The following NDST4 variants were observed in gnomAD, a reference collection of about 807,000 sequenced individuals.
NDST4 encodes the protein N-heparan sulfate sulfotransferase 4.
Under a neutral mutation model 100.8 loss-of-function variants are expected in NDST4, and 63 were observed. The observed-to-expected ratio is 0.62, with a 90% CI of 0.51 to 0.77. NDST4 has a LOEUF of 0.77. NDST4 is among the 30% of genes least tolerant of loss of function. NDST4 has a pLI of 0.00. For missense variants in NDST4, 943 were observed against 1,018.4 expected, an observed-to-expected ratio of 0.93 and a Z score of 1.01; for synonymous variants, 377 against 361.8, an observed-to-expected ratio of 1.04 and a Z score of -0.48.
chr4:115,060,833 A>C (rs1322578725), intron 2 of NDST4, among the ~76,000 whole-genome samples: 1 of 152,050 alleles, frequency 6.6e-6, no homozygotes, highest in Non-Finnish European at 1.5e-5. Flanking sequence ...TATTAAAATA[A>C]TTGTTTAAAT....
chr4:114,941,780 A>G (rs1021600382), intron 4 of NDST4, among the ~76,000 whole-genome samples: 2 of 152,198 alleles, frequency 1.3e-5, no homozygotes, highest in Non-Finnish European at 2.9e-5. Flanking sequence ...AGTACAGCGT[A>G]CAATCTGCTC....
chr4:114,829,379 G>C (rs1305442741), intron 13 of NDST4, among the ~76,000 whole-genome samples: 1 of 151,926 alleles, frequency 6.6e-6, no homozygotes, highest in African/African-American at 2.4e-5. Context: ...TTTTATCTTT[G>C]TATTCTTTCC....
intron 2 of NDST4, among the ~76,000 whole-genome samples, chr4:115,029,743 A>T (rs1728074946): frequency 6.6e-6 from 1 of 152,110 alleles, no homozygotes; most frequent in Admixed American, 6.6e-5. Context: ...AAGCAGGAGG[A>T]TCCCAAACTT....
At chr4:115,085,909 T>A (rs1356574493) in intron 1 of NDST4, among the ~76,000 whole-genome samples, 1 of 152,222 alleles carries the variant, frequency 6.6e-6, no homozygotes, top group Non-Finnish European at 1.5e-5. Context: ...ATACTTCATG[T>A]ACAGCAGAGG....
intron 2 of NDST4, among the ~76,000 whole-genome samples, chr4:114,995,863 C>T (rs927990789): frequency 2.6e-5 from 4 of 151,912 alleles, no homozygotes; most frequent in East Asian, 3.9e-4. Flanking sequence ...GTTTCCTGAA[C>T]CTTAGTTTTC....
chr4:114,921,899 T>A (rs934484524), intron 6 of NDST4, among the ~76,000 whole-genome samples: 2 of 151,866 alleles, frequency 1.3e-5, no homozygotes, highest in African/African-American at 4.9e-5. Flanking sequence ...TATCATTTTC[T>A]TCCTTTTCTC....
rs1260122889 is a variant in NDST4, at chr4:115,015,693, T to C, written c.979-38419A>G. On this transcript the variant is annotated intron_variant, in intron 2 of 13. Transcript: ENST00000264363. ...CAAGTAGATAGTACTAATTGTTCTA[T>C]GAATACTAGCTCTTTCTCAGTCTAC... Among the ~76,000 whole-genome samples, 3 of 152,080 alleles carry C rather than the reference T, an allele frequency of 2.0e-5. No homozygotes were observed. In the East Asian group the frequency reaches 5.8e-4, roughly 29 times the overall value.
intron 2 of NDST4, among the ~76,000 whole-genome samples, chr4:115,060,921 G>C (rs988322544): frequency 6.6e-6 from 1 of 151,698 alleles, no homozygotes; most frequent in Non-Finnish European, 1.5e-5. Flanking sequence ...TTATATTTGG[G>C]TACGTTGAAA....
intron 2 of NDST4, among the ~76,000 whole-genome samples, chr4:115,033,537 T>C (rs1397625662): frequency 1.3e-5 from 2 of 152,070 alleles, no homozygotes; most frequent in South Asian, 2.1e-4. Context: ...TTTTGATCTA[T>C]CTATAATTTA....
At chr4:114,925,614 C>A (rs913526806) in intron 6 of NDST4, among the ~76,000 whole-genome samples, 1 of 152,108 alleles carries the variant, frequency 6.6e-6, no homozygotes, top group Non-Finnish European at 1.5e-5. Context: ...ATTGCAGTTC[C>A]ATTATACTCT....
intron 1 of NDST4, among the ~76,000 whole-genome samples, chr4:115,103,965 A>G (rs565771572): frequency 6.6e-6 from 1 of 152,308 alleles, no homozygotes; most frequent in Non-Finnish European, 1.5e-5. Context: ...ACTGGCATCT[A>G]GAATTATCAC....
At position 115,059,028 on chromosome 4, in the gene NDST4, T is replaced by A. The variant is rs187248876; in HGVS notation, c.978+17031A>T. Among the ~76,000 whole-genome samples, 26 of 151,432 alleles carry A rather than the reference T, an allele frequency of 1.7e-4. 1 individual carries two copies. In the East Asian group the frequency reaches 5.1e-3, roughly 29 times the overall value. ...ACGCTCAAAATTAGATTTATTGAGG[T>A]CAAGAACCAAGCACTCATATCTTTC... is the stretch of plus-strand genomic sequence containing the variant. On this transcript the variant is annotated intron_variant, in intron 2 of 13. Transcript: ENST00000264363.
intron 1 of NDST4, among the ~76,000 whole-genome samples, chr4:115,102,703 C>CTT (rs1729755481): frequency 2.4e-5 from 1 of 42,362 alleles, no homozygotes; most frequent in African/African-American, 1.5e-4. Context: ...CTTCTGACTT[C>CTT]CTTTTTTTTT....
At chr4:114,931,154 CATATTA>C (rs1314941580) in intron 6 of NDST4, among the ~76,000 whole-genome samples, 1 of 151,716 alleles carries the variant, frequency 6.6e-6, no homozygotes, top group Non-Finnish European at 1.5e-5. Context: ...TGGAGATTCA[CATATTA>C]ATATGTCATT....
chr4:115,059,679 A>G (rs1057176855), intron 2 of NDST4, among the ~76,000 whole-genome samples: 1 of 151,982 alleles, frequency 6.6e-6, no homozygotes, highest in African/African-American at 2.4e-5. Flanking sequence ...GCAATGTTGT[A>G]TCTTGGTTTC....
chr4:115,076,669 T>C lies in NDST4; in HGVS notation c.368A>G (p.Asn123Ser), dbSNP rs770445274. The C allele has an allele frequency of 6.2e-7, 1 of 1,613,886 alleles. No homozygotes were observed. Among genetic ancestry groups the C allele is most frequent in the Non-Finnish European group, 8.5e-7 (1 of 1,179,914 alleles). ...AACTAAAGTATATTTCCCTTTGCCA[T>C]TATCTGTAAGAGGAGGTATATCTCC... ...GKGDIPPLTD[N>S]GKGKYTLVIY... is the part of the protein sequence containing the mutation. The change falls in exon 2 of 14, where the codon AAT becomes AGT. Residue 123 changes from asparagine to serine, a missense_variant. This residue lies in a region of NDST4 where 417 missense variants were observed against 384.2 expected (regional missense o/e 1.09). Transcript: ENST00000264363.
chr4:115,062,023 A>G (rs987320161), intron 2 of NDST4, among the ~76,000 whole-genome samples: 1 of 152,122 alleles, frequency 6.6e-6, no homozygotes, highest in Non-Finnish European at 1.5e-5. Flanking sequence ...AAAAGCAAAC[A>G]TTGAAACAGA....
At chr4:115,101,741 G>C (rs1729734333) in intron 1 of NDST4, among the ~76,000 whole-genome samples, 1 of 152,000 alleles carries the variant, frequency 6.6e-6, no homozygotes, top group African/African-American at 2.4e-5. Flanking sequence ...GCTGAGAATA[G>C]TTTGAAGAAA....
intron 10 of NDST4, among the ~76,000 whole-genome samples, chr4:114,845,354 A>G (rs1026524071): frequency 3.3e-5 from 5 of 152,110 alleles, no homozygotes; most frequent in Non-Finnish European, 5.9e-5. Flanking sequence ...TTATTTTCAC[A>G]TAAGTTGTTG....
Sources: gnomAD v4.1 joint callset for allele counts (sites outside exome capture counted in the v4.1 genomes callset) on GRCh38, gnomAD v4.1.1 for gene constraint, gnomAD v4.1.1 regional missense constraint, MANE v1.5 for transcripts, NCBI Gene and HGNC (gene_info 2026-07-23, HGNC 2026-07-21) for gene names.